GSAP: variants seen among roughly 807,000 people sequenced by gnomAD.
GSAP encodes gamma-secretase-activating protein.
Under a neutral mutation model 131.7 loss-of-function variants are expected in GSAP, and 118 were observed. That is an observed-to-expected ratio of 0.90 (90% CI 0.77 to 1.04). The LOEUF (loss-of-function observed/expected upper bound fraction) is 1.04, where lower values mean the gene tolerates loss of function less well. Among genes scored for constraint, GSAP ranks in the 50% least tolerant of loss-of-function variants. GSAP has a pLI of 0.00. For missense variants in GSAP, 1,019 were observed against 1,013.2 expected (o/e 1.01, Z -0.08); for synonymous variants, 381 against 363.4 (o/e 1.05, Z -0.55).
chr7:77,319,614 C>T (rs1787356718), intron 26 of GSAP, among the ~76,000 whole-genome samples: 1 of 152,170 alleles, frequency 6.6e-6, no homozygotes, highest in Non-Finnish European at 1.5e-5. Context: ...TTTATCACAA[C>T]ATATTCACAA....
At chr7:77,344,732 C>G (rs1398855570) in intron 19 of GSAP, among the ~76,000 whole-genome samples, 1 of 152,128 alleles carries the variant, frequency 6.6e-6, no homozygotes, top group Admixed American at 6.6e-5. Flanking sequence ...TTCACCCTGA[C>G]GAAGTCCTAT....
In GSAP at chr7:77,370,422, T is replaced by C. The variant is rs150758959; in HGVS notation, c.871+3648A>G. On this transcript the variant is annotated intron_variant, in intron 12 of 30. Coordinates refer to ENST00000257626, the MANE Select transcript of GSAP (RefSeq NM_017439.4). The stretch of plus-strand genomic sequence containing the variant: ...GTTGCAGTGAGCTGAGAGAGTTCCA[T>C]TGCACTCCAACCTAGGCAACAGAGC... Among the ~76,000 whole-genome samples, 154 of 152,086 alleles carry C rather than the reference T, an allele frequency of 1.0e-3. 2 individuals are homozygous for C. In the East Asian group the frequency reaches 0.025, roughly 25 times the overall value.
rs533755073 is a variant in GSAP at position 77,377,237 on chromosome 7, T to TAAAA, written c.681+45_681+48dup. The TAAAA allele has an allele frequency of 2.8e-3, 2,532 of 891,794 alleles. 28 individuals carry two copies. Among genetic ancestry groups the TAAAA allele is most frequent in the Middle Eastern group, 3.6e-3 (8 of 2,196 alleles). 55.2% of individuals were successfully genotyped at this position (891,794 alleles called of 1,614,324 possible). On this transcript the variant is annotated intron_variant, in intron 9 of 30. Transcript: ENST00000257626. ...GTCTCTAAAAAAATTAATATTTTTG[T>TAAAA]AAAAAAAAAAAAAAAAAAAAAGGAG... is the stretch of plus-strand genomic sequence containing the variant.
At chr7:77,378,546 AAT>A (rs1192759063) in intron 8 of GSAP, among the ~76,000 whole-genome samples, 1 of 152,164 alleles carries the variant, frequency 6.6e-6, no homozygotes, top group African/African-American at 2.4e-5. Context: ...CAGAAAATGA[AAT>A]AAGGTGTGCA....
At chr7:77,386,493 G>A (rs924315334) in intron 6 of GSAP, among the ~76,000 whole-genome samples, 1 of 152,168 alleles carries the variant, frequency 6.6e-6, no homozygotes, top group Non-Finnish European at 1.5e-5. Context: ...CAACAGATCA[G>A]TATATAATTT....
At chr7:77,343,665 C>T (rs567557102) in intron 19 of GSAP, among the ~76,000 whole-genome samples, 1 of 152,292 alleles carries the variant, frequency 6.6e-6, no homozygotes, top group Non-Finnish European at 1.5e-5. Context: ...CAGTTTTTCT[C>T]CTTCTCATCG....
chr7:77,336,064 C>T (rs1259969416), intron 19 of GSAP, among the ~76,000 whole-genome samples: 1 of 152,242 alleles, frequency 6.6e-6, no homozygotes, highest in Non-Finnish European at 1.5e-5. Flanking sequence ...ACGCATGCTG[C>T]AATTTCAAGG....
At chr7:77,389,920 T>C (rs1021724273) in intron 5 of GSAP, among the ~76,000 whole-genome samples, 1 of 152,228 alleles carries the variant, frequency 6.6e-6, no homozygotes, top group Non-Finnish European at 1.5e-5. Context: ...AGTGTTCCTA[T>C]TTCTCCACAT....
chr7:77,398,895 G>A (rs1800865188), intron 3 of GSAP, among the ~76,000 whole-genome samples: 1 of 152,190 alleles, frequency 6.6e-6, no homozygotes, highest in Non-Finnish European at 1.5e-5. Flanking sequence ...TACATTGCAA[G>A]TTTTTTAAAA....
At chr7:77,358,411 T>C (rs1160406618) in intron 14 of GSAP, among the ~76,000 whole-genome samples, 1 of 152,222 alleles carries the variant, frequency 6.6e-6, no homozygotes, top group Non-Finnish European at 1.5e-5. Flanking sequence ...TTATATTTTA[T>C]TTGCTGACTT....
intron 8 of GSAP, among the ~76,000 whole-genome samples, chr7:77,378,264 C>T (rs970352867): frequency 5.3e-5 from 8 of 151,900 alleles, no homozygotes; most frequent in Non-Finnish European, 7.4e-5. Context: ...GGTGGATTAC[C>T]TGAGGTCAGG....
At chr7:77,315,600 AAAT>A (rs774963913) in intron 26 of GSAP, 5 of 152,342 alleles carry the variant, frequency 3.3e-5, no homozygotes, top group Non-Finnish European at 4.4e-5. Context: ...AGGATCACAG[AAAT>A]AATAATGTGT....
intron 30 of GSAP, 128 bp from the exon 31 acceptor site, chr7:77,311,577 GTTC>G: frequency 1.7e-6 from 1 of 604,936 alleles, no homozygotes; most frequent in Non-Finnish European, 2.9e-6. Flanking sequence ...TTAAGAATGT[GTTC>G]TTAAATTTAA....
At chr7:77,376,649 T>C (rs970250019) in intron 10 of GSAP, among the ~76,000 whole-genome samples, 199 bp downstream of exon 10, 1 of 151,652 alleles carries the variant, frequency 6.6e-6, no homozygotes, top group Non-Finnish European at 1.5e-5. Context: ...TGGTGGCGGG[T>C]GCCTGTAGTC....
chr7:77,416,434 C>A (rs981125234), upstream of GSAP: 2 of 525,636 alleles, frequency 3.8e-6, no homozygotes, highest in African/African-American at 2.0e-5. Context: ...TCCTCTCCCC[C>A]GCCCCCTGCT....
intron 19 of GSAP, among the ~76,000 whole-genome samples, chr7:77,335,842 T>G (rs1300668282): frequency 6.6e-6 from 1 of 152,230 alleles, no homozygotes; most frequent in East Asian, 1.9e-4. Context: ...CATCATCCAA[T>G]TTGGCTCTTC....
chr7:77,330,801 C>T (rs1789022704), intron 19 of GSAP: 2 of 984,630 alleles, frequency 2.0e-6, no homozygotes, highest in Non-Finnish European at 2.4e-6. Context: ...ATGGAGTAGG[C>T]GTACTTTCCT....
chr7:77,404,851 G>A lies in GSAP; in HGVS notation c.187-236C>T, dbSNP rs534452761. Among the ~76,000 whole-genome samples the A allele has an allele frequency of 2.0e-5, 3 of 152,260 alleles. No homozygotes were observed. In the South Asian group the frequency reaches 6.2e-4, roughly 32 times the overall value. ...TTGGGGAACTGTCTAGTAGGACTGA[G>A]CATGGTGGGCGTAAATCTTTTTATA... On this transcript the variant is annotated intron_variant, in intron 2 of 30. Transcript: ENST00000257626.
intron 19 of GSAP, among the ~76,000 whole-genome samples, chr7:77,342,754 A>C (rs961796983): frequency 1.3e-5 from 2 of 152,180 alleles, no homozygotes; most frequent in African/African-American, 2.4e-5. Flanking sequence ...TGGCCTTTTA[A>C]AGCCTGTAAA....
Sources: allele counts gnomAD v4.1 joint callset (sites outside exome capture counted in the v4.1 genomes callset), GRCh38; gene constraint gnomAD v4.1.1; transcripts MANE v1.5; gene names NCBI Gene and HGNC (gene_info 2026-07-23, HGNC 2026-07-21).